The following LAMB3 variants were observed in gnomAD, a reference collection of about 807,000 sequenced individuals.
LAMB3 encodes laminin subunit beta-3.
Under a neutral mutation model 140.3 loss-of-function variants are expected in LAMB3, and 104 were observed. That is an observed-to-expected ratio of 0.74 (90% confidence interval 0.63 to 0.87). LAMB3 has a LOEUF of 0.87. Among genes scored for constraint, LAMB3 ranks in the 40% least tolerant of loss-of-function variants. LAMB3 has a pLI of 0.00. For missense variants in LAMB3, 1,531 were observed against 1,575.2 expected (o/e 0.97, Z 0.47); for synonymous variants, 592 against 602.9 (o/e 0.98, Z 0.26).
Position 209,626,028 on chromosome 1 carries a change from T to C in LAMB3, c.1598-2A>G. ...TTCCCCGGAAATCACAGTCACAGGC[T>C]AGGGCCAAGAAAAATGACAGTCAGA... On this transcript the variant is annotated splice_acceptor_variant, in intron 13 of 22. Transcript: ENST00000356082. LOFTEE classifies it high-confidence loss of function. The C allele has an allele frequency of 1.2e-6, 2 of 1,612,306 alleles. No homozygotes were observed. The highest frequency in any genetic ancestry group is 1.7e-6 in the Non-Finnish European group (2 of 1,179,024).
rs773740954 is a variant in LAMB3, at chr1:209,627,379, G to C, written c.1485+4C>G. ...GGGGCCCCCGGACCACCCTCACTTC[G>C]TACCTGGTTGCACTGTGGGCTGAGG... On this transcript the variant is annotated splice_donor_region_variant and intron_variant, in intron 12 of 22. Coordinates refer to ENST00000356082, the MANE Select transcript of LAMB3 (RefSeq NM_000228.3). 5 of 1,610,334 alleles carry C rather than the reference G, an allele frequency of 3.1e-6. No homozygotes were observed. The highest frequency in any genetic ancestry group is 4.2e-6 in the Non-Finnish European group (5 of 1,177,406).
rs749842554 is a variant in LAMB3, at chr1:209,625,868, G to A, written c.1756C>T (p.Gln586Ter). ...TCCCGGAGGTCCGCATCATAGGTCTGGAAGCAAGGGTGGCAGGCCACGCAC... is the reference window on the plus strand; with the variant it reads ...TCCCGGAGGTCCGCATCATAGGTCTAGAAGCAAGGGTGGCAGGCCACGCAC... ...PVCVACHPCFQTYDADLREQA... is the reference protein window; with the variant it reads ...PVCVACHPCF Residue 586 changes from glutamine to a stop codon, truncating the protein, a stop_gained, in exon 14 of 23, where the codon CAG becomes TAG. Coordinates refer to ENST00000356082, the MANE Select transcript of LAMB3 (RefSeq NM_000228.3). LOFTEE classifies it high-confidence loss of function. 1.9e-6 allele frequency: 3 copies of A among 1,614,086 alleles called. No homozygotes were observed. Among genetic ancestry groups the A allele is most frequent in the Admixed American group, 1.7e-5 (1 of 60,010 alleles).
Position 209,627,414 on chromosome 1 carries a change from G to C in LAMB3, c.1454C>G (p.Pro485Arg). Residue 485 changes from proline to arginine, a missense_variant, in exon 12 of 23, where the codon CCG becomes CGG. By Grantham distance (103) the Pro-to-Arg change is moderately radical. Coordinates refer to ENST00000356082, the MANE Select transcript of LAMB3 (RefSeq NM_000228.3). ...GCACTGTGGGCTGAGGGAGTTGTGC[G>C]GGTCGCAGGCACACGGTTCACAGCC... ...GQGCEPCACD[P>R]HNSLSPQCNQ... The C allele has an allele frequency of 6.2e-7, 1 of 1,613,736 alleles. No homozygotes were observed. Among genetic ancestry groups the C allele is most frequent in the East Asian group, 2.2e-5 (1 of 44,834 alleles).
intron 21 of LAMB3, among the ~76,000 whole-genome samples, 197 bp from the exon 22 acceptor site, chr1:209,616,821 A>C (rs920329209): frequency 4.4e-4 from 67 of 152,254 alleles, no homozygotes; most frequent in Middle Eastern, 3.4e-3. Flanking sequence ...CCCTCTTCCC[A>C]TCTCCAGCTC....
Position 209,637,763 on chromosome 1 carries a change from G to A in LAMB3, c.372+145C>T, listed in dbSNP as rs940902869. On this transcript the variant is annotated intron_variant, in intron 5 of 22. Coordinates refer to ENST00000356082, the MANE Select transcript of LAMB3 (RefSeq NM_000228.3). Reference sequence around the variant, plus strand: ...GAGGTGCCACTTTTAGCCCAGGAGCGAGTCCTCTTCTGTCACCATGATATA... The same window carrying A: ...GAGGTGCCACTTTTAGCCCAGGAGCAAGTCCTCTTCTGTCACCATGATATA... 1.1e-4 allele frequency: 81 copies of A among 716,358 alleles called. 1 individual carries two copies. Among genetic ancestry groups the A allele is most frequent in the South Asian group, 8.7e-4 (57 of 65,260 alleles). 44.4% of individuals were successfully genotyped at this position (716,358 alleles called of 1,614,324 possible).
chr1:209,639,649 G>A lies in LAMB3; in HGVS notation c.184-1001C>T, dbSNP rs183360015. On this transcript the variant is annotated intron_variant, in intron 3 of 22. Coordinates refer to ENST00000356082, the MANE Select transcript of LAMB3 (RefSeq NM_000228.3). ...TACACACACACACACACACGCACAC[G>A]CGTGCACATGCGCACACGCACACAC... Among the ~76,000 whole-genome samples the A allele has an allele frequency of 6.5e-4, 99 of 151,226 alleles. 1 individual carries two copies. Among genetic ancestry groups the A allele is most frequent in the Middle Eastern group, 6.9e-3 (2 of 290 alleles).
chr1:209,649,399 G>A (rs2076545342), intron 3 of LAMB3, among the ~76,000 whole-genome samples: 1 of 152,204 alleles, frequency 6.6e-6, no homozygotes, highest in Admixed American at 6.5e-5. Flanking sequence ...AGACAAATTA[G>A]AAGAAAAGTT....
intron 6 of LAMB3, 56 bp from the exon 7 acceptor site, chr1:209,633,189 G>T: frequency 7.7e-7 from 1 of 1,295,112 alleles, no homozygotes; most frequent in Non-Finnish European, 1.1e-6. Context: ...TGTGCCCCGA[G>T]TTCAGAAGAA....
chr1:209,629,400 T>G lies in LAMB3; in HGVS notation c.1132+337A>C, dbSNP rs554936180. Among the ~76,000 whole-genome samples the G allele has an allele frequency of 8.5e-5, 13 of 152,114 alleles. No individual in the cohort carries two copies. In the South Asian group the frequency reaches 2.7e-3, roughly 32 times the overall value. ...AATCATATACATACGGAAAAGGTGC[T>G]TTCATCCCTCTTCTGCAGGTGTATA... is the stretch of plus-strand genomic sequence containing the variant. On this transcript the variant is annotated intron_variant, in intron 10 of 22. Transcript: ENST00000356082.
chr1:209,632,944 C>A, intron 7 of LAMB3, 126 bp downstream of exon 7: 1 of 1,043,018 alleles, frequency 9.6e-7, no homozygotes, highest in South Asian at 1.3e-5. Flanking sequence ...GCAAGCAGGG[C>A]AAGTATCAAA....
rs539990375 is a variant in LAMB3 at position 209,616,596 on chromosome 1, G to T, written c.3257C>A (p.Ala1086Asp). The change falls in exon 22 of 23, where the codon GCT becomes GAT. Residue 1086 changes from alanine (A) to aspartate (D), a missense_variant. By Grantham distance (126) the Ala-to-Asp change is moderately radical (BLOSUM62 -2). Transcript: ENST00000356082. ...CTGACCCAACCGGTCCTTCAACTCA[G>T]CATACTTTTGTTTTATTCTCTCAAA... is the stretch of plus-strand genomic sequence containing the variant. ...EGFERIKQKYAELKDRLGQSS... is the reference protein window; with the variant it reads ...EGFERIKQKYDELKDRLGQSS... 6.2e-7 allele frequency: 1 copy of T among 1,614,076 alleles called. No individual in the cohort carries two copies. Among genetic ancestry groups the T allele is most frequent in the South Asian group, 1.1e-5 (1 of 91,080 alleles).
In LAMB3 at chr1:209,629,936, A is replaced by G; in HGVS notation, c.944-11T>C. On this transcript the variant is annotated splice_polypyrimidine_tract_variant and intron_variant, in intron 9 of 22. Coordinates refer to ENST00000356082, the MANE Select transcript of LAMB3 (RefSeq NM_000228.3). Reference sequence around the variant, plus strand: ...CATTGCAGTCGCACCCTGGAAAAAGAGAGTCCCAGGGCTGACATCTGACCC... The same window carrying G: ...CATTGCAGTCGCACCCTGGAAAAAGGGAGTCCCAGGGCTGACATCTGACCC... The G allele has an allele frequency of 1.2e-6, 2 of 1,613,318 alleles. No individual in the cohort carries two copies. Among genetic ancestry groups the G allele is most frequent in the Non-Finnish European group, 8.5e-7 (1 of 1,179,610 alleles).
rs113063967 is a variant in LAMB3, at chr1:209,632,627, C to T, written c.778G>A (p.Ala260Thr). 122 of 1,614,094 alleles carry T rather than the reference C, an allele frequency of 7.6e-5. No homozygotes were observed. The highest frequency in any genetic ancestry group is 3.3e-4 in the Middle Eastern group (2 of 6,056). The part of the protein sequence containing the change: ...CFCHGHADRC[A>T]PKPGASAGPS... ...CCTGCAGAGGCCCCAGGCTTGGGTG[C>T]GCAGCGATCAGCATGGCCGTGACAG... is the stretch of plus-strand genomic sequence containing the variant. The change falls in exon 8 of 23, where the codon GCA (alanine) becomes ACA (threonine). Residue 260 changes from alanine to threonine, a missense_variant. Transcript: ENST00000356082.
chr1:209,632,885 T>C (rs993556089), intron 7 of LAMB3, 109 bp from the exon 8 acceptor site: 30 of 1,174,900 alleles, frequency 2.6e-5, no homozygotes, highest in Middle Eastern at 1.9e-4. Context: ...GGCCATCCTC[T>C]CCAGACCTCA....
chr1:209,641,371 C>T (rs2076467763), intron 3 of LAMB3, among the ~76,000 whole-genome samples: 1 of 152,118 alleles, frequency 6.6e-6, no homozygotes, highest in African/African-American at 2.4e-5. Flanking sequence ...CTCACAATAA[C>T]CCTACATGAT....
chr1:209,651,016 G>A, intron 1 of LAMB3, 35 bp from the exon 2 acceptor site: 1 of 1,371,074 alleles, frequency 7.3e-7, no homozygotes, highest in South Asian at 1.2e-5. Flanking sequence ...GTACAACAGT[G>A]CAAACCCCTA....
intron 5 of LAMB3, among the ~76,000 whole-genome samples, chr1:209,635,551 C>T (rs1449645368): frequency 6.6e-6 from 1 of 152,108 alleles, no homozygotes; most frequent in Non-Finnish European, 1.5e-5. Flanking sequence ...TACAGGCGCA[C>T]ACCACCATGC....
At position 209,638,614 on chromosome 1, in the gene LAMB3, T is replaced by C. The variant is rs1270543623; in HGVS notation, c.218A>G (p.Gln73Arg). 1 of 1,613,876 alleles carries C rather than the reference T, an allele frequency of 6.2e-7. No individual in the cohort carries two copies. The highest frequency in any genetic ancestry group is 8.5e-7 in the Non-Finnish European group (1 of 1,179,886). Reference protein sequence around the residue: ...QMKCCKCDSRQPHNYYSHRVE... With the variant: ...QMKCCKCDSRRPHNYYSHRVE... ...TCGGTGACTGTAGTAGTTGTGAGGC[T>C]GCCTGGAGTCACACTTGCAGCATTT... Residue 73 changes from glutamine (Q) to arginine (R), a missense_variant, in exon 4 of 23, where the codon CAG (glutamine) becomes CGG (arginine). Coordinates refer to ENST00000356082, the MANE Select transcript of LAMB3 (RefSeq NM_000228.3).
At chr1:209,621,729 G>A (rs913540261) in intron 18 of LAMB3, among the ~76,000 whole-genome samples, 3 of 152,126 alleles carry the variant, frequency 2.0e-5, no homozygotes, top group African/African-American at 4.8e-5. Flanking sequence ...CGAGTCTCCC[G>A]GGTCCTGTTT....
Sources: gnomAD v4.1 joint callset for allele counts (sites outside exome capture counted in the v4.1 genomes callset) on GRCh38, gnomAD v4.1.1 for gene constraint, MANE v1.5 for transcripts, NCBI Gene and HGNC (gene_info 2026-07-23, HGNC 2026-07-21) for gene names.